The following RCBTB1 variants were observed in gnomAD, a reference collection of about 807,000 sequenced individuals.
RCBTB1 encodes RCC1 and BTB domain containing protein 1.
RCBTB1 carries 46 observed loss-of-function variants against 62.4 expected under a neutral mutation model. The observed-to-expected ratio is 0.74, with a 90% CI of 0.58 to 0.94. The LOEUF (loss-of-function observed/expected upper bound fraction) is 0.94, where lower values mean the gene tolerates loss of function less well. Ranked by LOEUF, RCBTB1 falls within the 40% of genes least tolerant of loss-of-function variation. The probability of loss-of-function intolerance (pLI) is 0.00; values close to 1 mark genes in which losing one functional copy is unlikely to be tolerated. For synonymous variants in RCBTB1, 222 were observed against 245.8 expected, an observed-to-expected ratio of 0.90 and a Z score of 0.91; for missense variants, 565 against 654.9, an observed-to-expected ratio of 0.86 and a Z score of 1.50.
chr13:49,583,603 G>A (rs917085744), intron 1 of RCBTB1, among the ~76,000 whole-genome samples: 1 of 151,884 alleles, frequency 6.6e-6, no homozygotes, highest in African/African-American at 2.4e-5. Flanking sequence ...CTGGAGTGCA[G>A]TGGCACAATC....
In RCBTB1 at chr13:49,532,470, C is replaced by T. The variant is rs1436073472; in HGVS notation, c.*1652G>A. The T allele has an allele frequency of 1.3e-5, 2 of 152,508 alleles. No homozygotes were observed. Among genetic ancestry groups the T allele is most frequent in the Non-Finnish European group, 2.9e-5 (2 of 68,014 alleles). 9.4% of individuals were successfully genotyped at this position (152,508 alleles called of 1,614,324 possible). A position where few individuals can be genotyped will look rare whatever the true frequency, so the allele number is the denominator to read the frequency against. On this transcript the variant is annotated 3_prime_UTR_variant, in exon 13 of 13. Coordinates refer to ENST00000378302, the MANE Select transcript of RCBTB1 (RefSeq NM_018191.4). ...ATAGAACAGTGATTGTTACAAACAC[C>T]ACCCATCATAGCACAAATCAATGTG...
rs1186570433 is a variant in RCBTB1 at position 49,533,538 on chromosome 13, A to G, written c.*584T>C. ...CATTTCAACAGGTTTAATATACGTT[A>G]AACTTATTACTTTGATTTATCTTGA... On this transcript the variant is annotated 3_prime_UTR_variant, in exon 13 of 13. Coordinates refer to ENST00000378302, the MANE Select transcript of RCBTB1 (RefSeq NM_018191.4). 1 of 152,244 alleles carries G rather than the reference A, an allele frequency of 6.6e-6. No homozygotes were observed. The highest frequency in any genetic ancestry group is 6.5e-5 in the Admixed American group (1 of 15,280). 9.4% of individuals were successfully genotyped at this position (152,244 alleles called of 1,614,324 possible).
chr13:49,548,174 G>A (rs912406279), intron 9 of RCBTB1, among the ~76,000 whole-genome samples: 3 of 151,748 alleles, frequency 2.0e-5, no homozygotes, highest in African/African-American at 7.3e-5. Context: ...GGCGGATCAC[G>A]AGGTCAGGAG....
intron 1 of RCBTB1, among the ~76,000 whole-genome samples, chr13:49,582,888 G>C (rs1964188169): frequency 6.6e-6 from 1 of 152,146 alleles, no homozygotes; most frequent in Admixed American, 6.5e-5. Context: ...ATAAACAGTG[G>C]AGTGGAGGCC....
intron 12 of RCBTB1, among the ~76,000 whole-genome samples, chr13:49,538,464 A>C (rs1594245280): frequency 6.6e-6 from 1 of 152,298 alleles, no homozygotes; most frequent in East Asian, 1.9e-4. Flanking sequence ...TAATCCCAGC[A>C]CTTTGGAAGG....
At chr13:49,573,258 T>C (rs55966740) in intron 2 of RCBTB1, among the ~76,000 whole-genome samples, 11,823 of 152,196 alleles carry the variant, frequency 0.078, 645 homozygotes, top group East Asian at 0.22. Flanking sequence ...CACCAAAATA[T>C]ATCTCCATGG....
chr13:49,585,324 G>A (rs1005233151), intron 1 of RCBTB1, 120 bp downstream of exon 1: 8 of 152,226 alleles, frequency 5.3e-5, no homozygotes, highest in Non-Finnish European at 1.0e-4. Flanking sequence ...GCCCGAGCGA[G>A]GGAGGCGGGA....
Position 49,532,198 on chromosome 13 carries a change from T to A in RCBTB1, c.*1924A>T, listed in dbSNP as rs1416543418. ...AATAAGAGAGTGTATTTAAAAAAAA[T>A]AATCAAATGCTTTTTGAAAGACCTG... On this transcript the variant is annotated 3_prime_UTR_variant, in exon 13 of 13. Coordinates refer to ENST00000378302, the MANE Select transcript of RCBTB1 (RefSeq NM_018191.4). 6.6e-6 allele frequency: 1 copy of A among 152,404 alleles called. No homozygotes were observed. The highest frequency in any genetic ancestry group is 2.1e-4 in the South Asian group (1 of 4,810). The allele number at this position is 152,404 out of a possible 1,614,324, so 9.4% of individuals were successfully genotyped here.
At chr13:49,542,277 C>A (rs1960443908) in intron 10 of RCBTB1, among the ~76,000 whole-genome samples, 1 of 151,892 alleles carries the variant, frequency 6.6e-6, no homozygotes, top group Admixed American at 6.6e-5. Flanking sequence ...GGATCACAGA[C>A]CTTTAGTTAG....
intron 2 of RCBTB1, among the ~76,000 whole-genome samples, chr13:49,577,978 TGCTAA>T (rs1240688633): frequency 2.0e-5 from 3 of 152,254 alleles, no homozygotes; most frequent in Admixed American, 6.5e-5. Flanking sequence ...CAGTTTAAGT[TGCTAA>T]GCTGTCTTAC....
chr13:49,577,021 C>T (rs1963831061), intron 2 of RCBTB1, among the ~76,000 whole-genome samples: 1 of 152,216 alleles, frequency 6.6e-6, no homozygotes, highest in South Asian at 2.1e-4. Context: ...TGCACTTATC[C>T]TACGTCCATT....
At chr13:49,569,529 T>A (rs932557707) in intron 2 of RCBTB1, among the ~76,000 whole-genome samples, 3 of 151,796 alleles carry the variant, frequency 2.0e-5, no homozygotes, top group Non-Finnish European at 4.4e-5. Flanking sequence ...CTGGCAAACA[T>A]AGTGAAACCC....
chr13:49,552,259 G>A lies in RCBTB1; in HGVS notation c.630C>T (p.Asn210=), dbSNP rs779125320. The A allele has an allele frequency of 5.0e-5, 80 of 1,601,328 alleles. No homozygotes were observed. In the South Asian group the frequency reaches 5.4e-4, roughly 11 times the overall value. ...GEVYGWGYNG[N]GQLGLGNNGN... is the part of the protein sequence containing the mutation. ...CATTGTTTCCCAGGCCCAGCTGACC[G>A]TTGCCATTGTAACCCCAGCCATATA... Residue 210 remains asparagine, a synonymous_variant, in exon 7 of 13, where the codon AAC becomes AAT. Transcript: ENST00000378302.
intron 5 of RCBTB1, among the ~76,000 whole-genome samples, chr13:49,559,704 G>A (rs1275767011): frequency 6.6e-6 from 1 of 150,762 alleles, no homozygotes; most frequent in Non-Finnish European, 1.5e-5. Context: ...GGGGAGGACA[G>A]AATGGGAGTG....
At chr13:49,551,573 TC>T in intron 7 of RCBTB1, 105 bp from the exon 8 acceptor site, 2 of 1,274,734 alleles carry the variant, frequency 1.6e-6, no homozygotes, top group African/African-American at 3.0e-5. Flanking sequence ...CAAATCATCA[TC>T]AGGGGTGGAC....
In RCBTB1 at chr13:49,557,708, C is replaced by G. The variant is rs1046301053; in HGVS notation, c.445-2035G>C. On this transcript the variant is annotated intron_variant, in intron 5 of 12. Transcript: ENST00000378302. Reference sequence around the variant, plus strand: ...GCTGAGACAGGAGGATCGCTTGAGCCCAGGAGTTCAAGACCAGCCTGGGCA... The same window carrying G: ...GCTGAGACAGGAGGATCGCTTGAGCGCAGGAGTTCAAGACCAGCCTGGGCA... Among the ~76,000 whole-genome samples, 3 of 152,008 alleles carry G rather than the reference C, an allele frequency of 2.0e-5. No homozygotes were observed. The South Asian group carries it at 6.2e-4, about 32-fold the overall frequency.
intron 9 of RCBTB1, chr13:49,547,009 A>G: frequency 8.4e-7 from 1 of 1,194,434 alleles, no homozygotes; most frequent in Non-Finnish European, 1.1e-6. Flanking sequence ...CCATTTTAAG[A>G]TATAAGAACT....
chr13:49,566,209 A>G (rs1962988253), intron 4 of RCBTB1, among the ~76,000 whole-genome samples: 1 of 151,296 alleles, frequency 6.6e-6, no homozygotes, highest in Admixed American at 6.6e-5. Flanking sequence ...CTATTGTCCT[A>G]TGACCCTGCC....
At chr13:49,535,859 C>T (rs1418624085) in intron 12 of RCBTB1, among the ~76,000 whole-genome samples, 1 of 151,926 alleles carries the variant, frequency 6.6e-6, no homozygotes, top group Non-Finnish European at 1.5e-5. Flanking sequence ...CCCGTCTCTA[C>T]TAAAAATACA....
Sources: allele counts gnomAD v4.1 joint callset (sites outside exome capture counted in the v4.1 genomes callset), GRCh38; gene constraint gnomAD v4.1.1; transcripts MANE v1.5; gene names NCBI Gene and HGNC (gene_info 2026-07-23, HGNC 2026-07-21).